CDKAL1: variants seen among roughly 807,000 people sequenced by gnomAD.
CDKAL1 encodes the protein CDKAL1 threonylcarbamoyladenosine tRNA methylthiotransferase, also known as threonylcarbamoyladenosine tRNA methylthiotransferase.
CDKAL1 carries 32 observed loss-of-function variants against 68.2 expected under a neutral mutation model. The observed-to-expected ratio is 0.47, with a 90% CI of 0.35 to 0.63. The LOEUF is 0.63. Ranked by LOEUF, CDKAL1 falls within the 30% of genes least tolerant of loss-of-function variation. CDKAL1 has a pLI of 0.00. For synonymous variants in CDKAL1, 234 were observed against 244.3 expected, an observed-to-expected ratio of 0.96 and a Z score of 0.39; for missense variants, 606 against 696.7, an observed-to-expected ratio of 0.87 and a Z score of 1.47.
chr6:21,064,093 G>C (rs952397364), intron 11 of CDKAL1, among the ~76,000 whole-genome samples: 3 of 152,160 alleles, frequency 2.0e-5, no homozygotes, highest in Admixed American at 2.0e-4. Flanking sequence ...TAAAAAAAGA[G>C]GAACAATGCA....
intron 4 of CDKAL1, 30 bp from the exon 5 acceptor site, chr6:20,649,263 A>G (rs746342553): frequency 6.9e-7 from 1 of 1,449,330 alleles, no homozygotes; most frequent in Non-Finnish European, 9.6e-7. Flanking sequence ...TGTGCTACTT[A>G]CTTCTTTTTT....
intron 8 of CDKAL1, among the ~76,000 whole-genome samples, chr6:20,825,052 T>C (rs947129929): frequency 6.6e-6 from 1 of 152,198 alleles, no homozygotes; most frequent in Non-Finnish European, 1.5e-5. Context: ...ATGAGTAGGC[T>C]GGAGAGAGCA....
rs191479221 is a variant in CDKAL1 at position 21,016,195 on chromosome 6, C to T, written c.1055+15823C>T. Among the ~76,000 whole-genome samples, 542 of 151,712 alleles carry T rather than the reference C, an allele frequency of 3.6e-3. 3 individuals are homozygous for T. The highest frequency in any genetic ancestry group is 3.9e-3 in the Non-Finnish European group (268 of 67,948). The stretch of plus-strand genomic sequence containing the variant: ...ACCTCATTTAATTATTACAACAATT[C>T]TGTGAAACAGAATCCTAATGAACCC... On this transcript the variant is annotated intron_variant, in intron 11 of 15. Coordinates refer to ENST00000274695, the MANE Select transcript of CDKAL1 (RefSeq NM_017774.3).
chr6:20,900,263 T>C (rs1761898243), intron 9 of CDKAL1, among the ~76,000 whole-genome samples: 1 of 152,198 alleles, frequency 6.6e-6, no homozygotes, highest in African/African-American at 2.4e-5. Flanking sequence ...AAACATAAAA[T>C]TATTCTAAAG....
At chr6:20,650,957 C>G (rs779308326) in intron 5 of CDKAL1, among the ~76,000 whole-genome samples, 2 of 152,102 alleles carry the variant, frequency 1.3e-5, no homozygotes, top group Non-Finnish European at 2.9e-5. Context: ...GTTACTGTAG[C>G]CTTGTAGTAT....
chr6:20,875,320 A>G (rs1760454984), intron 9 of CDKAL1, among the ~76,000 whole-genome samples: 1 of 148,652 alleles, frequency 6.7e-6, no homozygotes. Context: ...AAAAAAAAAA[A>G]AAAAAAAAAA....
chr6:20,928,185 A>G (rs1763266012), intron 9 of CDKAL1, among the ~76,000 whole-genome samples: 1 of 152,188 alleles, frequency 6.6e-6, no homozygotes, highest in Non-Finnish European at 1.5e-5. Context: ...TTACAATCAC[A>G]TAGAATGTAA....
chr6:20,780,516 C>T (rs894797395), intron 7 of CDKAL1, among the ~76,000 whole-genome samples: 6 of 152,074 alleles, frequency 3.9e-5, no homozygotes, highest in Admixed American at 1.3e-4. Context: ...GCAAACCCTT[C>T]CTGCTGCACA....
Position 20,642,526 on chromosome 6 carries a change from C to T in CDKAL1, c.287-6767C>T, listed in dbSNP as rs75364495. Among the ~76,000 whole-genome samples, 1,099 of 148,778 alleles carry T rather than the reference C, an allele frequency of 7.4e-3. 13 individuals are homozygous for T. The highest frequency in any genetic ancestry group is 0.026 in the African/African-American group (1,046 of 40,448). ...AGGGGCCCTTATGCGTGAAAAGGTG[C>T]CCAGCTCACTCATAATAAGAAAAAT... On this transcript the variant is annotated intron_variant, in intron 4 of 15. Transcript: ENST00000274695.
At chr6:20,999,684 AAAAG>A (rs1179668523) in intron 10 of CDKAL1, among the ~76,000 whole-genome samples, 3,604 of 144,110 alleles carry the variant, frequency 0.025, 106 homozygotes, top group African/African-American at 0.089. Context: ...AAAAAAAAAA[AAAAG>A]AAAGAAACAG....
chr6:20,681,565 A>G (rs970471346), intron 5 of CDKAL1, among the ~76,000 whole-genome samples: 2 of 152,096 alleles, frequency 1.3e-5, no homozygotes, highest in African/African-American at 4.8e-5. Flanking sequence ...CCTGCAGCCC[A>G]GCCTTGTTTG....
intron 13 of CDKAL1, among the ~76,000 whole-genome samples, chr6:21,192,566 A>G (rs1466371282): frequency 6.6e-6 from 1 of 152,222 alleles, no homozygotes; most frequent in East Asian, 1.9e-4. Context: ...CAATCAAGTT[A>G]CTACAATCAG....
intron 11 of CDKAL1, among the ~76,000 whole-genome samples, chr6:21,041,051 A>G (rs1227217527): frequency 6.6e-6 from 1 of 152,220 alleles, no homozygotes; most frequent in East Asian, 1.9e-4. Flanking sequence ...AACCAGTTCC[A>G]AAGAGCTGGA....
At chr6:20,718,850 G>A (rs1377028164) in intron 5 of CDKAL1, among the ~76,000 whole-genome samples, 1 of 151,832 alleles carries the variant, frequency 6.6e-6, no homozygotes, top group African/African-American at 2.4e-5. Flanking sequence ...CTTACTATTT[G>A]GAAAAGAAAA....
intron 4 of CDKAL1, among the ~76,000 whole-genome samples, chr6:20,644,581 G>A (rs370438027): frequency 6.6e-6 from 1 of 152,186 alleles, no homozygotes; most frequent in Non-Finnish European, 1.5e-5. Flanking sequence ...TCAGGAGGCT[G>A]AGGCAGGAGA....
intron 5 of CDKAL1, among the ~76,000 whole-genome samples, chr6:20,733,238 T>C (rs995527542): frequency 3.3e-5 from 5 of 152,216 alleles, no homozygotes; most frequent in African/African-American, 1.2e-4. Flanking sequence ...CATCTCCACA[T>C]CTCTGTTCTT....
intron 4 of CDKAL1, among the ~76,000 whole-genome samples, chr6:20,557,931 A>AAACG (rs368956665): frequency 7.0e-6 from 1 of 142,104 alleles, no homozygotes; most frequent in African/African-American, 3.1e-5. Context: ...ACTCCGTCTT[A>AAACG]AACAAACAAA....
intron 9 of CDKAL1, among the ~76,000 whole-genome samples, chr6:20,910,176 G>A (rs1005407000): frequency 6.6e-6 from 1 of 152,148 alleles, no homozygotes; most frequent in East Asian, 1.9e-4. Flanking sequence ...TTGAGCTACT[G>A]GTTAAACATA....
intron 11 of CDKAL1, among the ~76,000 whole-genome samples, chr6:21,040,335 G>T (rs1032375101): frequency 2.6e-5 from 4 of 152,082 alleles, no homozygotes; most frequent in African/African-American, 9.7e-5. Context: ...TCATTTTTTA[G>T]TCATAAAAAA....
Sources: allele counts gnomAD v4.1 joint callset (sites outside exome capture counted in the v4.1 genomes callset), GRCh38; gene constraint gnomAD v4.1.1; transcripts MANE v1.5; gene names NCBI Gene and HGNC (gene_info 2026-07-23, HGNC 2026-07-21).